The following ARHGAP22 variants were observed in gnomAD, a reference collection of about 807,000 sequenced individuals.
ARHGAP22 encodes the protein Rho GTPase activating protein 22, also known as rho GTPase-activating protein 22.
A neutral mutation model predicts 59.1 loss-of-function variants in ARHGAP22; 48 were observed. The observed-to-expected ratio is 0.81, with a 90% CI of 0.64 to 1.03. ARHGAP22 has a LOEUF of 1.03. Among genes scored for constraint, ARHGAP22 ranks in the 50% least tolerant of loss-of-function variants. The pLI, the probability that ARHGAP22 is intolerant of heterozygous loss-of-function variation, is 0.00. For synonymous variants in ARHGAP22, 445 were observed against 416.4 expected, an observed-to-expected ratio of 1.07 and a Z score of -0.84; for missense variants, 1,015 against 958.7, an observed-to-expected ratio of 1.06 and a Z score of -0.78.
intron 1 of ARHGAP22, among the ~76,000 whole-genome samples, chr10:48,644,011 G>T (rs148249333): frequency 0.05 from 7,545 of 152,194 alleles, 541 homozygotes; most frequent in African/African-American, 0.17. Flanking sequence ...GCTGGGCGTG[G>T]TGGCACATGC....
intron 3 of ARHGAP22, among the ~76,000 whole-genome samples, chr10:48,536,098 G>A (rs569266290): frequency 1.7e-4 from 26 of 152,332 alleles, no homozygotes; most frequent in Middle Eastern, 3.4e-3. Context: ...CTTGTTCCTC[G>A]GGGTTTTGCT....
intron 1 of ARHGAP22, among the ~76,000 whole-genome samples, chr10:48,623,050 G>T (rs2061336611): frequency 6.6e-6 from 1 of 152,222 alleles, no homozygotes; most frequent in African/African-American, 2.4e-5. Flanking sequence ...AAGATCAAAA[G>T]CCTCTGGTCC....
intron 1 of ARHGAP22, among the ~76,000 whole-genome samples, chr10:48,646,159 A>C (rs1322990575): frequency 6.6e-6 from 1 of 152,236 alleles, no homozygotes; most frequent in Non-Finnish European, 1.5e-5. Context: ...GAAGACATGC[A>C]GAAAACACTT....
Position 48,446,579 on chromosome 10 carries a change from G to C in ARHGAP22, c.1909C>G (p.Arg637Gly). ...TCCTGGTCCAGTTCTTCTTCTAACC[G>C]GGACATTCGTTTTCTCAGGTCAGCA... ...GSADLRKRMS[R>G]LEEELDQEKK... The change falls in exon 10 of 10, where the codon CGG becomes GGG. Residue 637 changes from arginine (R) to glycine (G), a missense_variant. Transcript: ENST00000249601. The C allele has an allele frequency of 1.2e-6, 2 of 1,614,118 alleles. No homozygotes were observed. Among genetic ancestry groups the C allele is most frequent in the Non-Finnish European group, 1.7e-6 (2 of 1,180,032 alleles).
rs1021050657 is a variant in ARHGAP22, at chr10:48,484,011, G to A, written c.323-4247C>T. ...TCTTCCAGTAGTTTCATACTTTCAT[G>A]TTTTATGTGTAAGTCTTTAATACAT... On this transcript the variant is annotated intron_variant, in intron 3 of 9. Transcript: ENST00000249601. 3.9e-5 allele frequency among the ~76,000 whole-genome samples: 6 copies of A among 152,154 alleles called. No individual in the cohort carries two copies. The East Asian group carries it at 1.2e-3, about 29-fold the overall frequency.
the ARHGAP22 span, among the ~76,000 whole-genome samples, chr10:48,440,041 T>A: frequency 2.6e-5 from 4 of 152,334 alleles, no homozygotes; most frequent in African/African-American, 9.6e-5. Flanking sequence ...AGTGTCAGAA[T>A]GTTGGGAATA....
At chr10:48,530,576 AAAAC>A (rs1446334218) in intron 3 of ARHGAP22, among the ~76,000 whole-genome samples, 3 of 152,214 alleles carry the variant, frequency 2.0e-5, no homozygotes, top group Non-Finnish European at 2.9e-5. Context: ...CAACAAGAAG[AAAAC>A]AAACAATCCC....
intron 4 of ARHGAP22, among the ~76,000 whole-genome samples, chr10:48,475,309 C>T (rs565628069): frequency 1.4e-4 from 21 of 152,284 alleles, no homozygotes; most frequent in African/African-American, 4.6e-4. Flanking sequence ...TGTCCCTCCA[C>T]TCGCTCTGTG....
intron 2 of ARHGAP22, among the ~76,000 whole-genome samples, chr10:48,572,082 G>C (rs576223566): frequency 4.6e-5 from 7 of 152,248 alleles, no homozygotes; most frequent in Admixed American, 4.6e-4. Flanking sequence ...TCCTTCTTCA[G>C]TTTAGACACC....
chr10:48,432,595 G>A, the ARHGAP22 span, among the ~76,000 whole-genome samples: 2 of 152,174 alleles, frequency 1.3e-5, no homozygotes, highest in Non-Finnish European at 2.9e-5. Context: ...AATTGTTCAT[G>A]ATGGAGGCTC....
intron 2 of ARHGAP22, chr10:48,582,700 T>G: frequency 1.9e-6 from 1 of 539,972 alleles, no homozygotes; most frequent in Admixed American, 3.6e-5. Flanking sequence ...TTTCTTAAGT[T>G]GGACAAGGAC....
Position 48,576,014 on chromosome 10 carries a change from C to T in ARHGAP22, c.234+6939G>A, listed in dbSNP as rs573051082. 9.8e-5 allele frequency among the ~76,000 whole-genome samples: 15 copies of T among 152,336 alleles called. No individual in the cohort carries two copies. The South Asian group carries it at 3.1e-3, about 32-fold the overall frequency. On this transcript the variant is annotated intron_variant, in intron 2 of 9. Transcript: ENST00000249601. ...ATAAGCAACCCACAACCTTCACTGACCCCTATCGCAGCCCACGAAGTGAGG... is the reference window on the plus strand; with the variant it reads ...ATAAGCAACCCACAACCTTCACTGATCCCTATCGCAGCCCACGAAGTGAGG...
chr10:48,603,953 A>G lies in ARHGAP22; in HGVS notation c.34+810T>C, dbSNP rs139356419. 3.1e-4 allele frequency among the ~76,000 whole-genome samples: 47 copies of G among 152,302 alleles called. No homozygotes were observed. In the East Asian group the frequency reaches 5.6e-3, roughly 18 times the overall value. ...CCTCCAAAGACCCATCCTCCACTTCATTGTTTACAAAAGGAGCTCAGCCCT... is the reference window on the plus strand; with the variant it reads ...CCTCCAAAGACCCATCCTCCACTTCGTTGTTTACAAAAGGAGCTCAGCCCT... On this transcript the variant is annotated intron_variant, in intron 1 of 9. Transcript: ENST00000249601.
chr10:48,571,695 T>C (rs964980969), intron 2 of ARHGAP22, among the ~76,000 whole-genome samples: 3 of 152,244 alleles, frequency 2.0e-5, no homozygotes, highest in Non-Finnish European at 2.9e-5. Context: ...TTTGCCATGA[T>C]ACCGTGGCAG....
chr10:48,513,131 G>GA (rs1311413969), intron 3 of ARHGAP22, among the ~76,000 whole-genome samples: 6 of 152,100 alleles, frequency 3.9e-5, no homozygotes, highest in Non-Finnish European at 8.8e-5. Context: ...CACTCTGCAG[G>GA]AAAAGATCTA....
chr10:48,617,907 GA>G (rs2061144359), intron 1 of ARHGAP22, among the ~76,000 whole-genome samples: 1 of 151,578 alleles, frequency 6.6e-6, no homozygotes, highest in African/African-American at 2.4e-5. Flanking sequence ...TTGGTTTTTT[GA>G]AAAAATAAAC....
Position 48,450,295 on chromosome 10 carries a change from G to T in ARHGAP22, c.1834C>A (p.Arg612Ser), listed in dbSNP as rs3747853. The T allele has an allele frequency of 9.9e-6, 16 of 1,608,264 alleles. 1 individual carries two copies. The highest frequency in any genetic ancestry group is 1.6e-4 in the Middle Eastern group (1 of 6,062). ...LVTELRAELC[R>S]QRTEYERSVK... The stretch of plus-strand genomic sequence containing the variant: ...CTCCTCTCGTACTCAGTCCGCTGGC[G>T]GCACAGCTCGGCCCTGAGCTCAGTG... The change falls in exon 9 of 10, where the codon CGC becomes AGC. Residue 612 changes from arginine (R) to serine (S), a missense_variant. Transcript: ENST00000249601.
At chr10:48,532,362 A>G (rs967765655) in intron 3 of ARHGAP22, 2 of 151,818 alleles carry the variant, frequency 1.3e-5, no homozygotes, top group African/African-American at 4.8e-5. Flanking sequence ...TTTCTGATCT[A>G]TATTAGGAGT....
chr10:48,575,051 G>A (rs2058622988), intron 2 of ARHGAP22: 1 of 152,194 alleles, frequency 6.6e-6, no homozygotes, highest in South Asian at 2.1e-4. Flanking sequence ...TCAAAATAGA[G>A]TGAATTCTCA....
Sources: allele counts gnomAD v4.1 joint callset (sites outside exome capture counted in the v4.1 genomes callset), GRCh38; gene constraint gnomAD v4.1.1; transcripts MANE v1.5; gene names NCBI Gene and HGNC (gene_info 2026-07-23, HGNC 2026-07-21).